FRMPD4: variants seen among roughly 807,000 people sequenced by gnomAD.
FRMPD4 encodes FERM and PDZ domain-containing protein 4.
Under a neutral mutation model 94.1 loss-of-function variants are expected in FRMPD4, and 22 were observed. The observed-to-expected ratio is 0.23, with a 90% CI of 0.17 to 0.33. The LOEUF (loss-of-function observed/expected upper bound fraction) is 0.33. FRMPD4 is among the 10% of genes least tolerant of loss of function. FRMPD4 has a pLI of 1.00. For missense variants in FRMPD4, 1,111 were observed against 1,339.9 expected, an observed-to-expected ratio of 0.83 and a Z score of 2.67; for synonymous variants, 631 against 548.6, an observed-to-expected ratio of 1.15 and a Z score of -2.10.
chrX:11,848,930 T>A (rs1482853568), intron 1 of FRMPD4, among the ~76,000 whole-genome samples: 4 of 111,625 alleles, frequency 3.6e-5, no homozygotes, highest in African/African-American at 1.3e-4. Context: ...TACTTCTACT[T>A]AATATAGTAC....
intron 3 of FRMPD4, among the ~76,000 whole-genome samples, chrX:11,898,503 G>A (rs982022426): frequency 9.0e-6 from 1 of 111,643 alleles, no homozygotes; most frequent in Admixed American, 9.5e-5. Flanking sequence ...CACCTAGGAG[G>A]AGCCTCTGAG....
intron 3 of FRMPD4, among the ~76,000 whole-genome samples, chrX:11,908,295 C>T (rs1205406872): frequency 8.9e-6 from 1 of 111,828 alleles, no homozygotes; most frequent in Non-Finnish European, 1.9e-5. Context: ...GAGCTTGGAT[C>T]CACTCAGTTC....
chrX:12,718,618 A>C lies in FRMPD4; in HGVS notation c.3792A>C (p.Arg1264Ser), dbSNP rs899247346. 8.3e-7 allele frequency: 1 copy of C among 1,208,897 alleles called. No homozygotes were observed. Among genetic ancestry groups the C allele is most frequent in the Admixed American group, 2.2e-5 (1 of 45,808 alleles). ...KGVNYIPSEE[R>S]APGLPNHGAT... is the part of the protein sequence containing the mutation. ...TGAATTACATTCCTTCAGAGGAGAG[A>C]GCCCCTGGGCTTCCCAACCACGGAG... The change falls in exon 16 of 17, where the codon AGA (arginine) becomes AGC (serine). Residue 1264 changes from arginine (R) to serine (S), a missense_variant. Arg to Ser is a moderately radical substitution (Grantham distance 110). Coordinates refer to ENST00000675598, the MANE Select transcript of FRMPD4 (RefSeq NM_001368397.1).
chrX:12,146,283 G>A (rs1472166614), intron 1 of FRMPD4, among the ~76,000 whole-genome samples: 1 of 110,522 alleles, frequency 9.0e-6, no homozygotes, highest in East Asian at 2.8e-4. Context: ...AGAATAGCTT[G>A]AATCTGGGAG....
chrX:12,200,150 T>A (rs931065770), intron 1 of FRMPD4, among the ~76,000 whole-genome samples: 1 of 112,172 alleles, frequency 8.9e-6, no homozygotes, highest in East Asian at 2.8e-4. Flanking sequence ...TTATGGCTAA[T>A]TTGTGAGTCC....
At chrX:12,399,293 A>T (rs2056582110) in intron 1 of FRMPD4, among the ~76,000 whole-genome samples, 1 of 111,792 alleles carries the variant, frequency 8.9e-6, no homozygotes, top group Non-Finnish European at 1.9e-5. Flanking sequence ...TTCGATGTAG[A>T]TGTAGATGTA....
At chrX:11,832,732 C>T (rs766771016) in intron 1 of FRMPD4, among the ~76,000 whole-genome samples, 1 of 111,611 alleles carries the variant, frequency 9.0e-6, no homozygotes, top group African/African-American at 3.3e-5. Context: ...GTGGAAAGTA[C>T]AGAGTTCTCA....
chrX:12,483,189 T>G (rs1484104968), intron 1 of FRMPD4, among the ~76,000 whole-genome samples: 1 of 111,974 alleles, frequency 8.9e-6, no homozygotes, highest in African/African-American at 3.3e-5. Context: ...AGTTCAGTTT[T>G]GGATGTGTTG....
chrX:12,103,454 G>T (rs1378972676), intron 3 of FRMPD4, among the ~76,000 whole-genome samples: 1 of 111,825 alleles, frequency 8.9e-6, no homozygotes, highest in African/African-American at 3.2e-5. Context: ...AACAAACTTT[G>T]TAAAAAGCCA....
At chrX:12,189,795 A>G (rs183042776) in intron 1 of FRMPD4, among the ~76,000 whole-genome samples, 2 of 111,576 alleles carry the variant, frequency 1.8e-5, no homozygotes, top group East Asian at 5.7e-4. Flanking sequence ...GAAAAACTCA[A>G]AACTTTCTTA....
Position 12,444,242 on chromosome X carries a change from A to G in FRMPD4, c.42-54438A>G, listed in dbSNP as rs1217915975. ...TCCAAAAGCTGAGGTTTTCTAAGGAATATGGAAAATAAGAGGTTCCTAAAG... is the reference window on the plus strand; with the variant it reads ...TCCAAAAGCTGAGGTTTTCTAAGGAGTATGGAAAATAAGAGGTTCCTAAAG... On this transcript the variant is annotated intron_variant, in intron 1 of 16. Transcript: ENST00000675598. Among the ~76,000 whole-genome samples the G allele has an allele frequency of 5.4e-5, 6 of 111,936 alleles. No homozygotes were observed. In the East Asian group the frequency reaches 1.4e-3, roughly 26 times the overall value.
chrX:12,378,643 T>C (rs1282554951), intron 1 of FRMPD4, among the ~76,000 whole-genome samples: 2 of 111,835 alleles, frequency 1.8e-5, no homozygotes, highest in African/African-American at 3.3e-5. Context: ...TGAGGGGAGA[T>C]TGCACGGAGA....
chrX:12,221,662 C>T (rs2056869902), intron 1 of FRMPD4, among the ~76,000 whole-genome samples: 3 of 111,823 alleles, frequency 2.7e-5, no homozygotes, highest in African/African-American at 9.8e-5. Context: ...GCAAAGGCTT[C>T]TTGTTAGGAA....
rs191993032 is a variant in FRMPD4 at position 12,642,388 on chromosome X, A to G, written c.422+27507A>G. ...ACCCGGACGATGGGAAAAGCTAACC[A>G]GGCAAAGAGCGGGAGGAGAGAAAGA... On this transcript the variant is annotated intron_variant, in intron 4 of 16. Coordinates refer to ENST00000675598, the MANE Select transcript of FRMPD4 (RefSeq NM_001368397.1). Among the ~76,000 whole-genome samples the G allele has an allele frequency of 2.7e-3, 303 of 112,313 alleles. 1 individual carries two copies. Among genetic ancestry groups the G allele is most frequent in the African/African-American group, 9.1e-3 (283 of 30,931 alleles).
chrX:12,465,429 A>G (rs934825717), intron 1 of FRMPD4, among the ~76,000 whole-genome samples: 20 of 111,290 alleles, frequency 1.8e-4, no homozygotes, highest in African/African-American at 6.2e-4. Flanking sequence ...CATCAGCACT[A>G]GGGCCAAATG....
chrX:12,097,639 T>C (rs907113740), intron 3 of FRMPD4, among the ~76,000 whole-genome samples: 3 of 112,311 alleles, frequency 2.7e-5, no homozygotes, highest in Non-Finnish European at 5.6e-5. Context: ...ATTCTGAACA[T>C]TTTATGTAAA....
At position 12,560,477 on chromosome X, in the gene FRMPD4, G is replaced by GA. The variant is rs199808235; in HGVS notation, c.159-49223dup. ...AGTAATGCATTCTTTCTTTAAAAAT[G>GA]AAAAAAAAAAAAAAAAAAAAACCCA... On this transcript the variant is annotated intron_variant, in intron 2 of 16. Transcript: ENST00000675598. Among the ~76,000 whole-genome samples the GA allele has an allele frequency of 8.4e-3, 696 of 82,740 alleles. 4 individuals are homozygous for GA. Among genetic ancestry groups the GA allele is most frequent in the East Asian group, 0.021 (50 of 2,374 alleles). 71.8% of individuals were successfully genotyped at this position (82,740 alleles called of 115,157 possible).
At chrX:12,258,498 A>G (rs2054145319) in intron 1 of FRMPD4, among the ~76,000 whole-genome samples, 1 of 110,930 alleles carries the variant, frequency 9.0e-6, no homozygotes. Flanking sequence ...CCCAACCTCC[A>G]GAACTGTAAG....
chrX:12,490,133 G>C (rs1444975695), intron 1 of FRMPD4, among the ~76,000 whole-genome samples: 1 of 111,619 alleles, frequency 9.0e-6, no homozygotes, highest in East Asian at 2.8e-4. Flanking sequence ...GAACTGTATA[G>C]TATAGGGTTG....
Sources: allele counts gnomAD v4.1 joint callset (sites outside exome capture counted in the v4.1 genomes callset), GRCh38; gene constraint gnomAD v4.1.1; transcripts MANE v1.5; gene names NCBI Gene and HGNC (gene_info 2026-07-23, HGNC 2026-07-21).